PCDH7: variants seen among roughly 807,000 people sequenced by gnomAD.
The protein encoded by PCDH7 is protocadherin-7.
PCDH7 carries 17 observed loss-of-function variants against 58.9 expected under a neutral mutation model. That is an observed-to-expected ratio of 0.29 (90% CI 0.20 to 0.43). PCDH7 has a LOEUF of 0.43. Among genes scored for constraint, PCDH7 ranks in the 20% least tolerant of loss-of-function variants. The pLI is 1.00. For synonymous variants in PCDH7, 664 were observed against 616.4 expected, an observed-to-expected ratio of 1.08 and a Z score of -1.14; for missense variants, 1,274 against 1,441.0, an observed-to-expected ratio of 0.88 and a Z score of 1.88.
At chr4:30,882,157 T>TCCTTCCTCCCTCTCTTCC (rs1282548213) in intron 1 of PCDH7, among the ~76,000 whole-genome samples, 36 of 135,042 alleles carry the variant, frequency 2.7e-4, no homozygotes, top group African/African-American at 9.9e-4. Flanking sequence ...CCTTTTCCTC[T>TCCTTCCTCCCTCTCTTCC]CCTTCCTCCC....
chr4:30,802,166 C>A (rs931718804), intron 1 of PCDH7, among the ~76,000 whole-genome samples: 5 of 152,230 alleles, frequency 3.3e-5, no homozygotes, highest in African/African-American at 1.2e-4. Flanking sequence ...CTCAAATTCA[C>A]GCAGGTTAGT....
At chr4:31,018,467 A>G (rs1244786323) in intron 3 of PCDH7, among the ~76,000 whole-genome samples, 2 of 152,144 alleles carry the variant, frequency 1.3e-5, no homozygotes, top group African/African-American at 4.8e-5. Flanking sequence ...CTATATCAAC[A>G]TCTTTCAATT....
At chr4:31,080,378 A>G (rs1359186565) in intron 3 of PCDH7, among the ~76,000 whole-genome samples, 3 of 152,150 alleles carry the variant, frequency 2.0e-5, no homozygotes, top group African/African-American at 7.2e-5. Flanking sequence ...TGATAAAAAT[A>G]TCAGAATTTC....
chr4:31,048,561 A>C (rs1212500927), intron 3 of PCDH7, among the ~76,000 whole-genome samples: 1 of 152,066 alleles, frequency 6.6e-6, no homozygotes, highest in Non-Finnish European at 1.5e-5. Context: ...TCATTTATGC[A>C]AGGACAGACC....
intron 2 of PCDH7, among the ~76,000 whole-genome samples, chr4:30,927,572 C>G (rs953863137): frequency 6.6e-6 from 1 of 152,026 alleles, no homozygotes; most frequent in Admixed American, 6.6e-5. Flanking sequence ...ACCCTGTGCT[C>G]TCTGAAACAT....
chr4:30,902,050 A>G (rs977539536), intron 1 of PCDH7, among the ~76,000 whole-genome samples: 2 of 152,192 alleles, frequency 1.3e-5, no homozygotes, highest in Admixed American at 6.5e-5. Flanking sequence ...TATAAAATGC[A>G]GAATAACACG....
intron 3 of PCDH7, among the ~76,000 whole-genome samples, chr4:30,968,417 G>T (rs73815119): frequency 0.039 from 816 of 20,762 alleles, 71 homozygotes; most frequent in African/African-American, 0.1. Context: ...TATATATATG[G>T]GATATTATGT....
In PCDH7 at chr4:31,109,730, G is replaced by T. The variant is rs1006406585; in HGVS notation, c.*8-32743G>T. ...AGTTGAAACTATTGAAGAAGACAAG[G>T]TTTGCTTTCCAAAATACGTATTCCT... On this transcript the variant is annotated intron_variant, in intron 3 of 3. Coordinates refer to the PCDH7 transcript ENST00000509759. 2.0e-5 allele frequency among the ~76,000 whole-genome samples: 3 copies of T among 152,260 alleles called. No individual in the cohort carries two copies. In the East Asian group the frequency reaches 5.8e-4, roughly 29 times the overall value.
chr4:31,037,451 C>T (rs1276822507), intron 3 of PCDH7, among the ~76,000 whole-genome samples: 2 of 152,136 alleles, frequency 1.3e-5, no homozygotes, highest in Non-Finnish European at 2.9e-5. Flanking sequence ...CTCCCTGGTC[C>T]CACTACACTG....
chr4:31,136,839 C>G (rs1263346275), intron 3 of PCDH7, among the ~76,000 whole-genome samples: 1 of 152,100 alleles, frequency 6.6e-6, no homozygotes, highest in Non-Finnish European at 1.5e-5. Context: ...TGGATCTTGT[C>G]TCCTCACCTC....
In PCDH7 at chr4:30,722,584, C is replaced by G; in HGVS notation, c.1162C>G (p.Arg388Gly). The G allele has an allele frequency of 6.2e-7, 1 of 1,612,984 alleles. No individual in the cohort carries two copies. The highest frequency in any genetic ancestry group is 1.7e-5 in the Admixed American group (1 of 60,026). The change falls in exon 1 of 2, where the codon CGC becomes GGC. Residue 388 changes from arginine to glycine, a missense_variant. Coordinates refer to ENST00000361762, the Ensembl canonical transcript of PCDH7. The surrounding 1 kb of genome is among the most constrained non-coding windows in gnomAD (Gnocchi z 7.6). ...CCAGCTGCGCTTCACGGTCATGGCC[C>G]GCGACCGCGGGCAGCCCCCCAAGAC...
chr4:30,725,223 T>C, intron 1 of PCDH7: 1 of 993,146 alleles, frequency 1.0e-6, no homozygotes, highest in African/African-American at 1.7e-5. Context: ...ATATCTATAA[T>C]AATCGATACC....
chr4:30,841,424 C>G (rs1474835176), intron 1 of PCDH7, among the ~76,000 whole-genome samples: 2 of 152,068 alleles, frequency 1.3e-5, no homozygotes, highest in Admixed American at 6.6e-5. Context: ...TAGTTCTGTG[C>G]TCTATCTTTT....
At chr4:30,794,931 G>A (rs1328254973) in intron 1 of PCDH7, among the ~76,000 whole-genome samples, 3 of 152,050 alleles carry the variant, frequency 2.0e-5, no homozygotes, top group African/African-American at 7.2e-5. Context: ...TGATAGTTAA[G>A]TGATAATGAT....
intron 1 of PCDH7, among the ~76,000 whole-genome samples, chr4:30,775,950 A>G (rs865833713): frequency 2.0e-5 from 3 of 152,170 alleles, no homozygotes; most frequent in Middle Eastern, 3.2e-3. Flanking sequence ...CCAGAGGTCT[A>G]CAAGTGTAAC....
chr4:30,805,928 C>T (rs544192080), intron 1 of PCDH7, among the ~76,000 whole-genome samples: 1 of 152,288 alleles, frequency 6.6e-6, no homozygotes, highest in East Asian at 1.9e-4. Context: ...ATCTGAAATG[C>T]TTGGGACCAG....
chr4:31,143,369 G>C (rs1229766544), downstream of PCDH7: 1 of 153,118 alleles, frequency 6.5e-6, no homozygotes, highest in East Asian at 1.9e-4. Flanking sequence ...GAAAGTGATA[G>C]AGTCCCTCTA....
At chr4:30,744,110 T>C (rs538819713) in intron 1 of PCDH7, among the ~76,000 whole-genome samples, 10 of 152,272 alleles carry the variant, frequency 6.6e-5, no homozygotes, top group African/African-American at 2.4e-4. Flanking sequence ...TTTTGCTATC[T>C]TCATTTTTCC....
chr4:30,805,112 C>CGA (rs1726015459), intron 1 of PCDH7, among the ~76,000 whole-genome samples: 1 of 152,186 alleles, frequency 6.6e-6, no homozygotes, highest in African/African-American at 2.4e-5. Flanking sequence ...TGGTTTTCCT[C>CGA]CTTAATTGCT....
Sources: allele counts gnomAD v4.1 joint callset (sites outside exome capture counted in the v4.1 genomes callset), GRCh38; gene constraint gnomAD v4.1.1; non-coding constraint Gnocchi (gnomAD v3.1); transcripts MANE v1.5; gene names NCBI Gene and HGNC (gene_info 2026-07-23, HGNC 2026-07-21).